The following ANKFY1 variants were observed in gnomAD, a reference collection of about 807,000 sequenced individuals.
ANKFY1 encodes ankyrin repeat and FYVE domain containing 1.
In ANKFY1, 47 loss-of-function variants were observed where a neutral mutation model predicts 128.3. The observed-to-expected ratio is 0.37, with a 90% CI of 0.29 to 0.47. The LOEUF (loss-of-function observed/expected upper bound fraction) is 0.47. ANKFY1 is among the 20% of genes least tolerant of loss of function. ANKFY1 has a pLI of 1.00. For missense variants in ANKFY1, 1,222 were observed against 1,510.6 expected (o/e 0.81, Z 3.17); for synonymous variants, 553 against 601.6 (o/e 0.92, Z 1.18).
At chr17:4,263,482 C>CAAA in intron 1 of ANKFY1, 4 of 737,010 alleles carry the variant, frequency 5.4e-6, no homozygotes, top group Non-Finnish European at 6.0e-6. Context: ...CACCCCACCT[C>CAAA]ACCCCAACCC....
At position 4,170,986 on chromosome 17, in the gene ANKFY1, C is replaced by T. The variant is rs1567905493; in HGVS notation, c.3140-125G>A. On this transcript the variant is annotated intron_variant, in intron 22 of 24. Coordinates refer to ENST00000341657, the MANE Select transcript of ANKFY1 (RefSeq NM_001330063.2). Reference sequence around the variant, plus strand: ...GCAGGAAATCTGTTCACAAAGTCCCCACAGACATACGGGGGCCCCGAGGCT... The same window carrying T: ...GCAGGAAATCTGTTCACAAAGTCCCTACAGACATACGGGGGCCCCGAGGCT... The T allele has an allele frequency of 4.3e-6, 6 of 1,405,834 alleles. No individual in the cohort carries two copies. In the East Asian group the frequency reaches 9.7e-5, roughly 23 times the overall value. The allele number at this position is 1,405,834 out of a possible 1,614,324, so 87.1% of individuals were successfully genotyped here.
chr17:4,173,252 G>A (rs2059354861), intron 21 of ANKFY1, 102 bp downstream of exon 21: 1 of 1,139,444 alleles, frequency 8.8e-7, no homozygotes, highest in East Asian at 2.4e-5. Flanking sequence ...CCAGCGGCCG[G>A]TTTTGCAGCT....
In ANKFY1 at chr17:4,206,372, C is replaced by G; in HGVS notation, c.847G>C (p.Asp283His). 1 of 1,614,222 alleles carries G rather than the reference C, an allele frequency of 6.2e-7. No homozygotes were observed. The highest frequency in any genetic ancestry group is 8.5e-7 in the Non-Finnish European group (1 of 1,180,034). The change falls in exon 7 of 25, where the codon GAC becomes CAC. Residue 283 changes from aspartate (D) to histidine (H), a missense_variant. By Grantham distance (81) the Asp-to-His change is moderately conservative. Transcript: ENST00000341657. ...CTCCAGCCACTCTTGTCCACCATGT[C>G]CACATCAGCTTTGTGACTAACCAGC... The part of the protein sequence containing the change: ...TTLVSHKADV[D>H]MVDKSGWSLL...
intron 5 of ANKFY1, 36 bp from the exon 6 acceptor site, chr17:4,208,118 C>G (rs1174180203): frequency 6.4e-7 from 1 of 1,559,034 alleles, no homozygotes; most frequent in Admixed American, 2.0e-5. Flanking sequence ...GCAGAACAGA[C>G]ACAAGGCAAT....
Position 4,164,325 on chromosome 17 carries a change from C to CTT in ANKFY1, c.*3452_*3453dup, listed in dbSNP as rs1488149318. On this transcript the variant is annotated 3_prime_UTR_variant, in exon 25 of 25. Transcript: ENST00000341657. ...CAGGCAATGATCTTCCAAAGAAAGTCTTTAAGGCATCTGTAACTTCTGGGA... is the reference window on the plus strand; with the variant it reads ...CAGGCAATGATCTTCCAAAGAAAGTCTTTTTAAGGCATCTGTAACTTCTGGGA... 2.6e-5 allele frequency: 4 copies of CTT among 152,718 alleles called. No homozygotes were observed. Among genetic ancestry groups the CTT allele is most frequent in the Non-Finnish European group, 4.4e-5 (3 of 68,054 alleles). The allele number at this position is 152,718 out of a possible 1,614,324, so 9.5% of individuals were successfully genotyped here. A position where few individuals can be genotyped will look rare whatever the true frequency, so the allele number is the denominator to read the frequency against.
chr17:4,177,305 A>C lies in ANKFY1; in HGVS notation c.2599-3T>G. Reference sequence around the variant, plus strand: ...AAATTCCGGCCCTTGTTATCCACCTACAGCAACAAGTGCAAAGCAAAATAT... The same window carrying C: ...AAATTCCGGCCCTTGTTATCCACCTCCAGCAACAAGTGCAAAGCAAAATAT... On this transcript the variant is annotated splice_polypyrimidine_tract_variant and splice_region_variant and intron_variant, in intron 18 of 24. Coordinates refer to ENST00000341657, the MANE Select transcript of ANKFY1 (RefSeq NM_001330063.2). 1.3e-6 allele frequency: 2 copies of C among 1,584,232 alleles called. No individual in the cohort carries two copies. Among genetic ancestry groups the C allele is most frequent in the Non-Finnish European group, 1.7e-6 (2 of 1,164,770 alleles).
At chr17:4,175,481 G>A (rs868089255) in intron 19 of ANKFY1, among the ~76,000 whole-genome samples, 1 of 152,130 alleles carries the variant, frequency 6.6e-6, no homozygotes, top group Non-Finnish European at 1.5e-5. Context: ...AAAAACAATC[G>A]CTGTAAACAG....
chr17:4,245,209 T>C (rs550772062), intron 1 of ANKFY1, among the ~76,000 whole-genome samples: 3 of 152,232 alleles, frequency 2.0e-5, no homozygotes, highest in South Asian at 2.1e-4. Flanking sequence ...TTTAAAGAAA[T>C]AGGGTCTCTG....
chr17:4,177,602 C>G (rs887376191), intron 18 of ANKFY1, among the ~76,000 whole-genome samples: 12 of 152,200 alleles, frequency 7.9e-5, no homozygotes, highest in Admixed American at 6.5e-4. Flanking sequence ...AAAAGACAAT[C>G]TGAAGGATAG....
chr17:4,171,261 T>C (rs1391171523), intron 22 of ANKFY1, among the ~76,000 whole-genome samples: 3 of 152,150 alleles, frequency 2.0e-5, no homozygotes, highest in African/African-American at 2.4e-5. Flanking sequence ...TTTCACCCAA[T>C]GTAACTAAAT....
intron 1 of ANKFY1, among the ~76,000 whole-genome samples, chr17:4,243,367 C>CT (rs60693230): frequency 0.035 from 5,138 of 147,086 alleles, 305 homozygotes; most frequent in African/African-American, 0.12. Flanking sequence ...CGCCCAGCCT[C>CT]TTTTTTTTTT....
At chr17:4,185,526 C>A (rs2059595704) in intron 11 of ANKFY1, among the ~76,000 whole-genome samples, 2 of 151,780 alleles carry the variant, frequency 1.3e-5, no homozygotes, top group Non-Finnish European at 2.9e-5. Flanking sequence ...GAAGCAGCAT[C>A]TCGCTGTGTT....
chr17:4,174,097 C>A (rs775018758), intron 19 of ANKFY1, 41 bp from the exon 20 acceptor site: 4 of 1,603,816 alleles, frequency 2.5e-6, no homozygotes, highest in Non-Finnish European at 3.4e-6. Context: ...CTCTCTGCCA[C>A]AATCAAGATC....
rs990769048 is a variant in ANKFY1, at chr17:4,164,199, G to C, written c.*3580C>G. ...CTGCCAAAAAAGAGCAAGTCATCAAGGCGAGCAGTCTCGACTCAAGACTCC... is the reference window on the plus strand; with the variant it reads ...CTGCCAAAAAAGAGCAAGTCATCAACGCGAGCAGTCTCGACTCAAGACTCC... On this transcript the variant is annotated 3_prime_UTR_variant, in exon 25 of 25. Coordinates refer to ENST00000341657, the MANE Select transcript of ANKFY1 (RefSeq NM_001330063.2). 3.3e-5 allele frequency: 5 copies of C among 152,612 alleles called. No homozygotes were observed. Among genetic ancestry groups the C allele is most frequent in the African/African-American group, 9.6e-5 (4 of 41,470 alleles). 9.5% of individuals were successfully genotyped at this position (152,612 alleles called of 1,614,324 possible). A position where few individuals can be genotyped will look rare whatever the true frequency, so the allele number is the denominator to read the frequency against.
At chr17:4,224,290 T>G (rs1412162098) in intron 3 of ANKFY1, among the ~76,000 whole-genome samples, 4 of 132,394 alleles carry the variant, frequency 3.0e-5, no homozygotes, top group Admixed American at 9.1e-5. Context: ...TGGCGCGATC[T>G]CGGCTCACTG....
chr17:4,214,447 G>A (rs1442980702), intron 4 of ANKFY1, among the ~76,000 whole-genome samples: 2 of 151,706 alleles, frequency 1.3e-5, no homozygotes, highest in East Asian at 1.9e-4. Context: ...ACTTTCACCC[G>A]AAGGGAATTT....
intron 3 of ANKFY1, among the ~76,000 whole-genome samples, chr17:4,224,683 A>C (rs1334844541): frequency 6.6e-6 from 1 of 152,128 alleles, no homozygotes; most frequent in African/African-American, 2.4e-5. Flanking sequence ...TTTTTAGTGA[A>C]AAGGAATTCT....
At chr17:4,186,543 A>T (rs1246536182) in intron 11 of ANKFY1, 1 of 152,320 alleles carries the variant, frequency 6.6e-6, no homozygotes, top group Non-Finnish European at 1.5e-5. Context: ...TCCAGCTTTG[A>T]ACATTATCTG....
intron 1 of ANKFY1, among the ~76,000 whole-genome samples, chr17:4,262,586 A>C (rs1051808872): frequency 1.3e-5 from 2 of 149,762 alleles, no homozygotes; most frequent in Non-Finnish European, 3.0e-5. Flanking sequence ...ACACACACAC[A>C]CCCCTTTTTA....
Sources: gnomAD v4.1 joint callset for allele counts (sites outside exome capture counted in the v4.1 genomes callset) on GRCh38, gnomAD v4.1.1 for gene constraint, MANE v1.5 for transcripts, NCBI Gene and HGNC (gene_info 2026-07-23, HGNC 2026-07-21) for gene names.